Variants in SSUH2 observed in about 807,000 individuals in gnomAD.
The protein encoded by SSUH2 is protein SSUH2 homolog.
In SSUH2, 47 loss-of-function variants were observed where a neutral mutation model predicts 55.3. The observed-to-expected ratio is 0.85, with a 90% CI of 0.67 to 1.08. The LOEUF (loss-of-function observed/expected upper bound fraction) is 1.08, where lower values mean the gene tolerates loss of function less well. Among genes scored for constraint, SSUH2 ranks in the 50% least tolerant of loss-of-function variants. The probability of loss-of-function intolerance (pLI) is 0.00; values close to 1 mark genes in which losing one functional copy is unlikely to be tolerated. For missense variants in SSUH2, 535 were observed against 490.7 expected (o/e 1.09, Z -0.85); for synonymous variants, 212 against 191.5 (o/e 1.11, Z -0.89).
intron 1 of SSUH2, among the ~76,000 whole-genome samples, chr3:8,637,427 T>C (rs1247991611): frequency 1.3e-5 from 2 of 152,186 alleles, no homozygotes; most frequent in Non-Finnish European, 2.9e-5. Context: ...GGAAGGTTCA[T>C]GAAACACCTT....
chr3:8,646,679 T>C (rs1011262498), upstream of SSUH2, among the ~76,000 whole-genome samples: 1 of 152,202 alleles, frequency 6.6e-6, no homozygotes, highest in Non-Finnish European at 1.5e-5. Context: ...TGTGCTTGAG[T>C]GACTCGGGGC....
At chr3:8,634,157 A>G (rs1699470780) in intron 3 of SSUH2, 1 of 647,188 alleles carries the variant, frequency 1.5e-6, no homozygotes, top group South Asian at 2.0e-5. Context: ...AAAAGGAGGC[A>G]GAGACAGGCT....
chr3:8,626,574 G>C (rs1341996448), intron 8 of SSUH2, among the ~76,000 whole-genome samples: 1 of 121,096 alleles, frequency 8.3e-6, no homozygotes, highest in Admixed American at 1.2e-4. Context: ...TCTGTGAACA[G>C]CTTGGGATCT....
chr3:8,653,384 CAT>C (rs1313376937), intron 7 of SSUH2, among the ~76,000 whole-genome samples: 10 of 152,252 alleles, frequency 6.6e-5, no homozygotes, highest in Non-Finnish European at 1.2e-4. Flanking sequence ...CCAATGTCCA[CAT>C]GTCAATTTAC....
At chr3:8,668,390 T>C (rs1386939961) in intron 5 of SSUH2, among the ~76,000 whole-genome samples, 1 of 152,266 alleles carries the variant, frequency 6.6e-6, no homozygotes, top group African/African-American at 2.4e-5. Context: ...TTGGCAGCAA[T>C]GTGACATCAT....
At chr3:8,675,530 T>G (rs186860354) in intron 3 of SSUH2, among the ~76,000 whole-genome samples, 5 of 152,304 alleles carry the variant, frequency 3.3e-5, no homozygotes, top group Admixed American at 6.5e-5. Flanking sequence ...AAAGCTCAGA[T>G]CTGCCGACAG....
At chr3:8,657,095 G>C (rs767560549) in intron 7 of SSUH2, among the ~76,000 whole-genome samples, 42 of 152,150 alleles carry the variant, frequency 2.8e-4, no homozygotes, top group Non-Finnish European at 4.6e-4. Flanking sequence ...TGGCCAAGCT[G>C]GTCTGGAACT....
intron 5 of SSUH2, among the ~76,000 whole-genome samples, chr3:8,667,039 C>A (rs1161771718): frequency 6.6e-6 from 1 of 152,230 alleles, no homozygotes; most frequent in Non-Finnish European, 1.5e-5. Flanking sequence ...ACGTTCTCTG[C>A]TTCACACAGA....
At chr3:8,654,390 C>T (rs185446639) in intron 7 of SSUH2, among the ~76,000 whole-genome samples, 34 of 152,324 alleles carry the variant, frequency 2.2e-4, no homozygotes, top group African/African-American at 6.0e-4. Flanking sequence ...GAATCACCCA[C>T]GTCATCTCAG....
intron 5 of SSUH2, among the ~76,000 whole-genome samples, chr3:8,668,192 C>T (rs1277036633): frequency 6.6e-6 from 1 of 152,058 alleles, no homozygotes; most frequent in Non-Finnish European, 1.5e-5. Flanking sequence ...ACCACTGTGG[C>T]CTTCATTAAT....
Position 8,678,995 on chromosome 3 carries a change from T to G in SSUH2, c.-901+710A>C, listed in dbSNP as rs371651237. Among the ~76,000 whole-genome samples, 8 of 66,570 alleles carry G rather than the reference T, an allele frequency of 1.2e-4. 2 individuals carry two copies. The highest frequency in any genetic ancestry group is 4.1e-4 in the African/African-American group (8 of 19,556). The allele number at this position is 66,570 out of a possible 152,430, so 43.7% of individuals were successfully genotyped here. ...GGGCGGAGAGTCACCCCCCGCGAGGTGGGGACTGAGAGCCAGCCCCTCTTC... is the reference window on the plus strand; with the variant it reads ...GGGCGGAGAGTCACCCCCCGCGAGGGGGGGACTGAGAGCCAGCCCCTCTTC... On this transcript the variant is annotated intron_variant, in intron 2 of 18. Transcript: ENST00000317371.
In SSUH2 at chr3:8,621,431, A is replaced by T. The variant is rs557861732; in HGVS notation, c.982-1417T>A. Among the ~76,000 whole-genome samples, 3 of 152,190 alleles carry T rather than the reference A, an allele frequency of 2.0e-5. No homozygotes were observed. In the South Asian group the frequency reaches 6.2e-4, roughly 32 times the overall value. On this transcript the variant is annotated intron_variant, in intron 11 of 11. Coordinates refer to ENST00000544814, the MANE Select transcript of SSUH2 (RefSeq NM_001256748.3). ...CGACTTCTCTCTCCATTTCAGAAAAACTGCCCTGGCCATCCCTGGAGATCT... is the reference window on the plus strand; with the variant it reads ...CGACTTCTCTCTCCATTTCAGAAAATCTGCCCTGGCCATCCCTGGAGATCT...
At chr3:8,656,563 T>C (rs1440009648) in intron 7 of SSUH2, among the ~76,000 whole-genome samples, 1 of 152,102 alleles carries the variant, frequency 6.6e-6, no homozygotes, top group Non-Finnish European at 1.5e-5. Context: ...CCATGTGCCC[T>C]AGGCTGGGGA....
intron 7 of SSUH2, among the ~76,000 whole-genome samples, chr3:8,654,092 G>C (rs879555857): frequency 1.5e-4 from 23 of 152,202 alleles, no homozygotes; most frequent in Non-Finnish European, 2.4e-4. Flanking sequence ...TCCAAGATCA[G>C]GGTGCCAGCA....
At chr3:8,669,973 T>G (rs1487317505) in intron 5 of SSUH2, among the ~76,000 whole-genome samples, 2 of 152,212 alleles carry the variant, frequency 1.3e-5, no homozygotes, top group Non-Finnish European at 1.5e-5. Flanking sequence ...GTTTACTGAA[T>G]AGTGTTGTCC....
intron 7 of SSUH2, among the ~76,000 whole-genome samples, chr3:8,654,068 T>C (rs1702701759): frequency 6.6e-6 from 1 of 152,230 alleles, no homozygotes; most frequent in Non-Finnish European, 1.5e-5. Flanking sequence ...TCTCACCATT[T>C]GGATGGCTGG....
Position 8,669,996 on chromosome 3 carries a change from C to T in SSUH2, c.-455+1002G>A, listed in dbSNP as rs541022441. Among the ~76,000 whole-genome samples the T allele has an allele frequency of 7.9e-5, 12 of 152,306 alleles. No homozygotes were observed. The East Asian group carries it at 2.1e-3, about 27-fold the overall frequency. ...AATAGTGTTGTCCTGGCATTAATTT[C>T]TTGTTTTTGATCCGCTCCCCTTACC... On this transcript the variant is annotated intron_variant, in intron 5 of 18. Coordinates refer to the SSUH2 transcript ENST00000317371.
At chr3:8,675,921 A>G (rs879437638) in intron 3 of SSUH2, among the ~76,000 whole-genome samples, 76 of 152,224 alleles carry the variant, frequency 5.0e-4, no homozygotes, top group Admixed American at 9.2e-4. Flanking sequence ...GTGGGGCCCT[A>G]GCTGAGGCCA....
chr3:8,637,922 AAAT>A (rs1316810124), intron 1 of SSUH2, among the ~76,000 whole-genome samples: 1 of 152,150 alleles, frequency 6.6e-6, no homozygotes, highest in Admixed American at 6.5e-5. Flanking sequence ...ACAAAAGTAA[AAAT>A]AATATACCCT....
Sources: gnomAD v4.1 joint callset for allele counts (sites outside exome capture counted in the v4.1 genomes callset) on GRCh38, gnomAD v4.1.1 for gene constraint, MANE v1.5 for transcripts, NCBI Gene and HGNC (gene_info 2026-07-23, HGNC 2026-07-21) for gene names.